The following DNAH12 variants were observed in gnomAD, a reference collection of about 807,000 sequenced individuals.
The protein encoded by DNAH12 is dynein axonemal heavy chain 12.
In DNAH12, 285 loss-of-function variants were observed where a neutral mutation model predicts 371.5. That is an observed-to-expected ratio of 0.77 (90% CI 0.70 to 0.85). The LOEUF is 0.85. DNAH12 is among the 40% of genes least tolerant of loss of function. The pLI is 0.00. For missense variants in DNAH12, 3,611 were observed against 3,689.4 expected (o/e 0.98, Z 0.55); for synonymous variants, 1,200 against 1,213.0 (o/e 0.99, Z 0.22).
intron 73 of DNAH12, 44 bp downstream of exon 73, chr3:57,295,481 A>C (rs1243746361): frequency 6.6e-7 from 1 of 1,517,886 alleles, no homozygotes; most frequent in Admixed American, 2.0e-5. Flanking sequence ...ATCCATCCTT[A>C]TTCTCCCTAA....
chr3:57,395,529 T>A (rs1344194607), intron 43 of DNAH12, among the ~76,000 whole-genome samples: 1 of 152,200 alleles, frequency 6.6e-6, no homozygotes, highest in Non-Finnish European at 1.5e-5. Context: ...TAAAGCCATC[T>A]TCCAATATGA....
rs200386669 is a variant in DNAH12 at position 57,461,626 on chromosome 3, T to C, written c.2599A>G (p.Ile867Val). ...ACTCCAGTGTCACGATACAGACTTA[T>C]ATGAAAAGCAATATCTTCCCAAGTT... ...IGTWEDIAFH[I>V]SLYRDTGVCI... Residue 867 changes from isoleucine (I) to valine (V), a missense_variant, in exon 19 of 74, where the codon ATA (isoleucine) becomes GTA (valine). Physicochemically the swap from Ile to Val is conservative, Grantham distance 29. Around this residue, in one of 3 missense-constraint regions of DNAH12, gnomAD observed 1,314 missense variants for 1,398.7 expected, o/e 0.94. Coordinates refer to ENST00000495027, the MANE Select transcript of DNAH12 (RefSeq NM_001366028.2). The C allele has an allele frequency of 1.5e-3, 2,295 of 1,551,338 alleles. 5 individuals carry two copies. Among genetic ancestry groups the C allele is most frequent in the Non-Finnish European group, 1.8e-3 (2,025 of 1,146,838 alleles).
chr3:57,436,867 G>T, intron 30 of DNAH12, 84 bp downstream of exon 30: 1 of 996,412 alleles, frequency 1.0e-6, no homozygotes, highest in Non-Finnish European at 1.4e-6. Context: ...TAATCAGTTT[G>T]CCAAGTCTTT....
In DNAH12 at chr3:57,337,165, A is replaced by G. The variant is rs116984750; in HGVS notation, c.9675-2225T>C. ...ACCAAGAGACAAATAATAACATTAT[A>G]TAATAATAAGGGAATCAATTCAGCA... On this transcript the variant is annotated intron_variant, in intron 60 of 73. Transcript: ENST00000495027. Among the ~76,000 whole-genome samples, 61 of 152,316 alleles carry G rather than the reference A, an allele frequency of 4.0e-4. No homozygotes were observed. The East Asian group carries it at 8.1e-3, about 20-fold the overall frequency.
chr3:57,324,867 C>CG, intron 62 of DNAH12, among the ~76,000 whole-genome samples: 1 of 152,300 alleles, frequency 6.6e-6, no homozygotes, highest in East Asian at 1.9e-4. Context: ...CACTCCCACC[C>CG]AATACTGCGC....
At chr3:57,314,716 C>T (rs1051606001) in intron 65 of DNAH12, 85 bp from the exon 66 acceptor site, 2 of 1,380,912 alleles carry the variant, frequency 1.4e-6, no homozygotes, top group Non-Finnish European at 1.9e-6. Context: ...AATGATCTTT[C>T]TCACAAGATT....
chr3:57,522,290 G>A (rs780721624), intron 4 of DNAH12, among the ~76,000 whole-genome samples: 13 of 152,122 alleles, frequency 8.5e-5, no homozygotes, highest in Non-Finnish European at 1.5e-4. Flanking sequence ...AGTTATTGAT[G>A]ACATTCATGA....
In DNAH12 at chr3:57,445,277, G is replaced by A; in HGVS notation, c.4322C>T (p.Ser1441Leu). Residue 1441 changes from serine to leucine, a missense_variant, in exon 28 of 74, where the codon TCA becomes TTA. Around this residue, in one of 3 missense-constraint regions of DNAH12, gnomAD observed 2,266 missense variants for 2,236.9 expected, o/e 1.01. Coordinates refer to ENST00000495027, the MANE Select transcript of DNAH12 (RefSeq NM_001366028.2). ...MTYRLCSEQL[S>L]SQFHYDYGMR... ...TCCATAGTCGTAATGAAATTGCGAT[G>A]AGAGCTGCTCTGAGCAAAGCCTATA... 1.9e-6 allele frequency: 3 copies of A among 1,551,380 alleles called. No individual in the cohort carries two copies. The highest frequency in any genetic ancestry group is 2.6e-6 in the Non-Finnish European group (3 of 1,146,818).
intron 43 of DNAH12, among the ~76,000 whole-genome samples, chr3:57,400,093 A>T (rs1461680198): frequency 2.6e-5 from 4 of 152,132 alleles, no homozygotes; most frequent in African/African-American, 9.7e-5. Flanking sequence ...GTTCAAGACC[A>T]GACTGGCCAA....
intron 2 of DNAH12, chr3:57,530,535 T>A: frequency 2.8e-6 from 2 of 706,004 alleles, no homozygotes; most frequent in Non-Finnish European, 2.6e-6. Context: ...ATATTTCTTC[T>A]AAATTTTTTT....
Position 57,436,956 on chromosome 3 carries a change from T to A in DNAH12, c.4650A>T (p.Arg1550Ser). 1 of 1,458,354 alleles carries A rather than the reference T, an allele frequency of 6.9e-7. No homozygotes were observed. Among genetic ancestry groups the A allele is most frequent in the Non-Finnish European group, 9.1e-7 (1 of 1,095,264 alleles). The allele number at this position is 1,458,354 out of a possible 1,614,324, so 90.3% of individuals were successfully genotyped here. A position where few individuals can be genotyped will look rare whatever the true frequency, so the allele number is the denominator to read the frequency against. The change falls in exon 30 of 74, where the codon AGA (arginine) becomes AGT (serine). Residue 1550 changes from arginine to serine, a missense_variant. Physicochemically the swap from Arg to Ser is moderately radical, Grantham distance 110. Coordinates refer to ENST00000495027, the MANE Select transcript of DNAH12 (RefSeq NM_001366028.2). ...ATAGCAATATATAATCTTACCCATG[T>A]CTAACAATCATCATTTCATATGTTT... The part of the protein sequence containing the change: ...IIQTYEMMIV[R>S]HGFMLVGEPF...
At chr3:57,510,159 C>T (rs899413496) in intron 5 of DNAH12, among the ~76,000 whole-genome samples, 1 of 151,738 alleles carries the variant, frequency 6.6e-6, no homozygotes, top group African/African-American at 2.4e-5. Flanking sequence ...TAATAAATCT[C>T]CCAAAACATA....
Position 57,437,046 on chromosome 3 carries a change from A to T in DNAH12, c.4560T>A (p.Cys1520Ter). 6.6e-7 allele frequency: 1 copy of T among 1,518,500 alleles called. No individual in the cohort carries two copies. The highest frequency in any genetic ancestry group is 8.8e-7 in the Non-Finnish European group (1 of 1,138,246). 94.1% of individuals were successfully genotyped at this position (1,518,500 alleles called of 1,614,324 possible). A position where few individuals can be genotyped will look rare whatever the true frequency, so the allele number is the denominator to read the frequency against. The change falls in exon 30 of 74, where the codon TGT becomes TGA. Residue 1520 changes from cysteine (C) to a stop codon, truncating the protein, a stop_gained. Coordinates refer to ENST00000495027, the MANE Select transcript of DNAH12 (RefSeq NM_001366028.2). LOFTEE classifies it high-confidence loss of function. Reference protein sequence around the residue: ...PEADYHEFLECAHEACNVHNL... With the variant: ...PEADYHEFLE ...TATGTACATTGCAGGCTTCATGAGCACATTCCAAAAATTCCTGAAATAAAA... is the reference window on the plus strand; with the variant it reads ...TATGTACATTGCAGGCTTCATGAGCTCATTCCAAAAATTCCTGAAATAAAA...
intron 2 of DNAH12, among the ~76,000 whole-genome samples, chr3:57,526,815 C>T (rs577409042): frequency 6.6e-6 from 1 of 151,670 alleles, no homozygotes; most frequent in South Asian, 2.1e-4. Context: ...GAGCACTGCG[C>T]CCGGCCTCTT....
chr3:57,312,217 G>A (rs1363832377), intron 66 of DNAH12, among the ~76,000 whole-genome samples: 2 of 152,160 alleles, frequency 1.3e-5, no homozygotes, highest in African/African-American at 4.8e-5. Context: ...GAGGAAGAGA[G>A]GCGTCAAGAG....
chr3:57,346,048 C>A lies in DNAH12; in HGVS notation c.9674+6037G>T, dbSNP rs905661545. Among the ~76,000 whole-genome samples, 4 of 152,042 alleles carry A rather than the reference C, an allele frequency of 2.6e-5. No individual in the cohort carries two copies. In the East Asian group the frequency reaches 7.7e-4, roughly 29 times the overall value. Reference sequence around the variant, plus strand: ...TTTCAAATAGCTAGAAGAGAGAATACTGAATGTTCCTAGCACAAAGAAATG... The same window carrying A: ...TTTCAAATAGCTAGAAGAGAGAATAATGAATGTTCCTAGCACAAAGAAATG... On this transcript the variant is annotated intron_variant, in intron 60 of 73. Transcript: ENST00000495027.
chr3:57,358,197 C>T (rs1007881483), intron 58 of DNAH12, among the ~76,000 whole-genome samples: 2 of 152,116 alleles, frequency 1.3e-5, no homozygotes, highest in Non-Finnish European at 1.5e-5. Flanking sequence ...TCAAAAATTT[C>T]CCTGGAGAAT....
chr3:57,462,409 G>A (rs182037872), intron 18 of DNAH12, among the ~76,000 whole-genome samples: 9 of 152,120 alleles, frequency 5.9e-5, no homozygotes, highest in Admixed American at 1.3e-4. Flanking sequence ...CCACTGACAT[G>A]CCCAGCTAAT....
At chr3:57,398,628 G>A (rs1175673494) in intron 43 of DNAH12, among the ~76,000 whole-genome samples, 2 of 152,202 alleles carry the variant, frequency 1.3e-5, no homozygotes, top group African/African-American at 4.8e-5. Flanking sequence ...TTACAGACCA[G>A]AAGGAAGTAA....
Sources: gnomAD v4.1 joint callset for allele counts (sites outside exome capture counted in the v4.1 genomes callset) on GRCh38, gnomAD v4.1.1 for gene constraint, gnomAD v4.1.1 regional missense constraint, MANE v1.5 for transcripts, NCBI Gene and HGNC (gene_info 2026-07-23, HGNC 2026-07-21) for gene names.